Variants in TSPAN9 observed in about 807,000 individuals in gnomAD.
The protein encoded by TSPAN9 is tetraspanin 9.
TSPAN9 carries 16 observed loss-of-function variants against 31.0 expected under a neutral mutation model. That is an observed-to-expected ratio of 0.52 (90% confidence interval 0.35 to 0.78). The LOEUF (loss-of-function observed/expected upper bound fraction) is 0.78. Ranked by LOEUF, TSPAN9 falls within the 30% of genes least tolerant of loss-of-function variation. The probability of loss-of-function intolerance (pLI) is 0.01; values close to 1 mark genes in which losing one functional copy is unlikely to be tolerated. For synonymous variants in TSPAN9, 145 were observed against 121.6 expected, an observed-to-expected ratio of 1.19 and a Z score of -1.27; for missense variants, 272 against 312.5, an observed-to-expected ratio of 0.87 and a Z score of 0.98.
chr12:3,171,083 C>T (rs1235154826), intron 2 of TSPAN9, among the ~76,000 whole-genome samples: 1 of 152,152 alleles, frequency 6.6e-6, no homozygotes, highest in South Asian at 2.1e-4. Flanking sequence ...ATTATGGGAA[C>T]AGTTTCCCAG....
chr12:3,165,122 A>G (rs563443893), intron 2 of TSPAN9, among the ~76,000 whole-genome samples: 86 of 152,242 alleles, frequency 5.6e-4, no homozygotes, highest in African/African-American at 2.0e-3. Flanking sequence ...TTTGGTCCAG[A>G]GACAGGTGGT....
intron 2 of TSPAN9, among the ~76,000 whole-genome samples, chr12:3,176,852 G>T (rs894946842): frequency 6.6e-6 from 1 of 152,176 alleles, no homozygotes; most frequent in Non-Finnish European, 1.5e-5. Context: ...ACCAGAGCCC[G>T]TCTTTAAATA....
intron 2 of TSPAN9, among the ~76,000 whole-genome samples, chr12:3,114,619 G>A (rs1030147929): frequency 7.9e-5 from 12 of 152,078 alleles, no homozygotes; most frequent in Non-Finnish European, 1.6e-4. Context: ...GAGGCGGGTG[G>A]ATCACCTGAG....
intron 3 of TSPAN9, among the ~76,000 whole-genome samples, chr12:3,259,820 C>T (rs867362832): frequency 2.6e-5 from 4 of 152,222 alleles, no homozygotes; most frequent in Non-Finnish European, 5.9e-5. Flanking sequence ...GAGCAAAAAC[C>T]ACTGGAGAAA....
rs545164811 is a variant in TSPAN9 at position 3,247,023 on chromosome 12, G to A, written c.64-31398G>A. Among the ~76,000 whole-genome samples, 12 of 152,314 alleles carry A rather than the reference G, an allele frequency of 7.9e-5. No individual in the cohort carries two copies. In the East Asian group the frequency reaches 2.1e-3, roughly 27 times the overall value. On this transcript the variant is annotated intron_variant, in intron 3 of 8. Transcript: ENST00000011898. ...AAAAGAGCACAGCCTGGGAGAATGGGTGGAAGGGAGGGTGCCTGTTTTTCA... is the reference window on the plus strand; with the variant it reads ...AAAAGAGCACAGCCTGGGAGAATGGATGGAAGGGAGGGTGCCTGTTTTTCA...
At chr12:3,203,846 T>C (rs2098373409) in intron 3 of TSPAN9, among the ~76,000 whole-genome samples, 1 of 152,120 alleles carries the variant, frequency 6.6e-6, no homozygotes, top group African/African-American at 2.4e-5. Context: ...CAGGAGGGTG[T>C]TGGCCAGGAT....
chr12:3,122,194 T>C (rs1266515), intron 2 of TSPAN9, among the ~76,000 whole-genome samples: 96,259 of 151,428 alleles, frequency 0.64, 30,782 homozygotes, highest in East Asian at 0.74. Flanking sequence ...ATTAGCCGGG[T>C]GTGGTGGTGG....
chr12:3,242,926 T>C (rs1433615131), intron 3 of TSPAN9, among the ~76,000 whole-genome samples: 1 of 152,198 alleles, frequency 6.6e-6, no homozygotes, highest in African/African-American at 2.4e-5. Context: ...GCAGAAGTGA[T>C]GTGTGGGCCT....
rs534326249 is a variant in TSPAN9, at chr12:3,247,330, G to A, written c.64-31091G>A. ...CCCCCCCCGCCACCCGCGTCCCCAA[G>A]TAGAGTGAGTGCCAGTCGCCAGATG... On this transcript the variant is annotated intron_variant, in intron 3 of 8. Coordinates refer to ENST00000011898, the MANE Select transcript of TSPAN9 (RefSeq NM_006675.5). Among the ~76,000 whole-genome samples the A allele has an allele frequency of 8.1e-3, 487 of 60,070 alleles. 8 individuals carry two copies. Among genetic ancestry groups the A allele is most frequent in the African/African-American group, 0.024 (464 of 19,044 alleles). 39.4% of individuals were successfully genotyped at this position (60,070 alleles called of 152,430 possible). A position where few individuals can be genotyped will look rare whatever the true frequency, so the allele number is the denominator to read the frequency against.
intron 3 of TSPAN9, among the ~76,000 whole-genome samples, chr12:3,239,990 TG>T (rs1291394761): frequency 6.6e-6 from 1 of 151,006 alleles, no homozygotes; most frequent in East Asian, 1.9e-4. Context: ...GTGTAACGAA[TG>T]ACCTTATTTA....
intron 3 of TSPAN9, chr12:3,206,329 C>G (rs1212772487): frequency 2.2e-6 from 1 of 456,092 alleles, no homozygotes; most frequent in East Asian, 6.9e-5. Context: ...GAGGGCGGAT[C>G]AGTTTTCTCG....
chr12:3,226,769 TATATATA>T (rs2098387823), intron 3 of TSPAN9, among the ~76,000 whole-genome samples: 1 of 3,672 alleles, frequency 2.7e-4, no homozygotes, highest in Non-Finnish European at 7.1e-4. Context: ...TATATATATA[TATATATA>T]TATATATATA....
At chr12:3,236,951 G>A (rs1224667349) in intron 3 of TSPAN9, among the ~76,000 whole-genome samples, 4 of 152,228 alleles carry the variant, frequency 2.6e-5, no homozygotes, top group African/African-American at 9.7e-5. Flanking sequence ...GGGAGCACCT[G>A]GTTGTCAGAT....
At chr12:3,257,866 A>G (rs1055480858) in intron 3 of TSPAN9, among the ~76,000 whole-genome samples, 1 of 152,170 alleles carries the variant, frequency 6.6e-6, no homozygotes, top group Admixed American at 6.5e-5. Flanking sequence ...TGTGTTCATC[A>G]GAGAAAGAGA....
chr12:3,205,364 T>C (rs1166680151), intron 3 of TSPAN9, among the ~76,000 whole-genome samples: 2 of 152,102 alleles, frequency 1.3e-5, no homozygotes, highest in Non-Finnish European at 2.9e-5. Flanking sequence ...CCGGGCAGAG[T>C]GCTGATGGGG....
chr12:3,086,463 A>C (rs560932148), intron 2 of TSPAN9, among the ~76,000 whole-genome samples: 26 of 152,074 alleles, frequency 1.7e-4, no homozygotes, highest in African/African-American at 5.8e-4. Flanking sequence ...ATATTCACTC[A>C]CTTTCTGAGA....
At chr12:3,197,318 GCTGCAGA>G (rs1299790581) in intron 2 of TSPAN9, among the ~76,000 whole-genome samples, 1 of 152,196 alleles carries the variant, frequency 6.6e-6, no homozygotes, top group Non-Finnish European at 1.5e-5. Context: ...GCCAGGTGAG[GCTGCAGA>G]GGACAAAAGG....
chr12:3,183,536 C>T (rs1299018899), intron 2 of TSPAN9, among the ~76,000 whole-genome samples: 3 of 152,138 alleles, frequency 2.0e-5, no homozygotes, highest in East Asian at 3.9e-4. Context: ...AAGGATGAGC[C>T]AGTCAGATCC....
intron 2 of TSPAN9, among the ~76,000 whole-genome samples, chr12:3,167,027 C>T (rs1350011802): frequency 6.6e-6 from 1 of 152,028 alleles, no homozygotes; most frequent in African/African-American, 2.4e-5. Context: ...GGACTCCTGA[C>T]CTCAGGTGAT....
Sources: gnomAD v4.1 joint callset for allele counts (sites outside exome capture counted in the v4.1 genomes callset) on GRCh38, gnomAD v4.1.1 for gene constraint, MANE v1.5 for transcripts, NCBI Gene and HGNC (gene_info 2026-07-23, HGNC 2026-07-21) for gene names.